PCSK6: variants seen among roughly 807,000 people sequenced by gnomAD.
The protein encoded by PCSK6 is paired basic amino acid cleaving enzyme 4.
In PCSK6, 85 loss-of-function variants were observed where a neutral mutation model predicts 123.3. That is an observed-to-expected ratio of 0.69 (90% confidence interval 0.58 to 0.83). PCSK6 has a LOEUF of 0.83. Ranked by LOEUF, PCSK6 falls within the 40% of genes least tolerant of loss-of-function variation. The pLI is 0.00. For synonymous variants in PCSK6, 508 were observed against 516.0 expected (o/e 0.98, Z 0.21); for missense variants, 1,191 against 1,282.3 (o/e 0.93, Z 1.09).
At position 101,393,220 on chromosome 15, in the gene PCSK6, G is replaced by T; in HGVS notation, c.1201C>A (p.Arg401=). ...TTYSSGAFYE[R]KIVTTDLRQR... ...TTGCCAAGAGAACTTACGATTTTTC[G>T]CTCATAAAAGGCCCCACTGCTGTAG... The change falls in exon 8 of 22, where the codon CGA becomes AGA. Residue 401 remains arginine (R), a synonymous_variant. Coordinates refer to ENST00000611716, the MANE Select transcript of PCSK6 (RefSeq NM_002570.5). 2 of 1,612,468 alleles carry T rather than the reference G, an allele frequency of 1.2e-6. No individual in the cohort carries two copies. Among genetic ancestry groups the T allele is most frequent in the Non-Finnish European group, 1.7e-6 (2 of 1,179,244 alleles).
intron 11 of PCSK6, among the ~76,000 whole-genome samples, chr15:101,375,312 C>CT (rs1429816308): frequency 4.9e-5 from 6 of 122,334 alleles, no homozygotes; most frequent in Admixed American, 2.9e-4. Context: ...AAAATTTAAC[C>CT]TCAAAAAAAA....
At chr15:101,468,408 T>C (rs1476848775) in intron 1 of PCSK6, among the ~76,000 whole-genome samples, 3 of 152,248 alleles carry the variant, frequency 2.0e-5, no homozygotes, top group African/African-American at 4.8e-5. Context: ...AATACATTCC[T>C]AGCTACTGTT....
intron 12 of PCSK6, 135 bp downstream of exon 12, chr15:101,370,200 C>T: frequency 1.5e-6 from 1 of 648,762 alleles, no homozygotes; most frequent in Non-Finnish European, 2.3e-6. Context: ...AAGGAAGCTG[C>T]CAGCAGAACC....
intron 16 of PCSK6, among the ~76,000 whole-genome samples, chr15:101,325,839 G>A (rs79518705): frequency 0.025 from 3,815 of 152,334 alleles, 111 homozygotes; most frequent in East Asian, 0.12. Flanking sequence ...GGCCATATAC[G>A]TGGGGTCCCA....
intron 1 of PCSK6, among the ~76,000 whole-genome samples, chr15:101,484,882 AG>A (rs1185396232): frequency 1.3e-5 from 2 of 152,096 alleles, no homozygotes; most frequent in African/African-American, 2.4e-5. Context: ...ACTTCAGGGA[AG>A]GTGGGTTTTC....
intron 10 of PCSK6, among the ~76,000 whole-genome samples, chr15:101,382,849 T>TG (rs1037502987): frequency 9.9e-5 from 15 of 152,164 alleles, no homozygotes; most frequent in African/African-American, 3.4e-4. Context: ...AGAATTAAAA[T>TG]GTGGGTCAGC....
intron 1 of PCSK6, among the ~76,000 whole-genome samples, chr15:101,480,203 C>G (rs912063190): frequency 1.3e-5 from 2 of 152,202 alleles, no homozygotes; most frequent in Non-Finnish European, 2.9e-5. Context: ...ATTTTCCCAA[C>G]AAGGACTCTA....
At chr15:101,417,801 G>T (rs2055938630) in intron 6 of PCSK6, among the ~76,000 whole-genome samples, 1 of 151,178 alleles carries the variant, frequency 6.6e-6, no homozygotes. Context: ...AGAAAATAAA[G>T]GAACTCAATT....
At chr15:101,347,802 A>T (rs2040775484) in intron 13 of PCSK6, 3 of 1,592,618 alleles carry the variant, frequency 1.9e-6, no homozygotes, top group Non-Finnish European at 2.6e-6. Context: ...ACTGAAGTGA[A>T]GCCCATGGGC....
In PCSK6 at chr15:101,326,383, G is replaced by C; in HGVS notation, c.2174C>G (p.Thr725Ser). The C allele has an allele frequency of 6.4e-7, 1 of 1,570,418 alleles. No individual in the cohort carries two copies. The highest frequency in any genetic ancestry group is 8.6e-7 in the Non-Finnish European group (1 of 1,157,338). ...GCTGCGGGACATGCATTACCTGCTG[G>C]TCTTGACACTCCCCAGGCTGAAGTG... is the stretch of plus-strand genomic sequence containing the variant. The part of the protein sequence containing the change: ...CVHFSLGSVK[T>S]SRKCVSVCPL... The change falls in exon 16 of 22, where the codon ACC (threonine) becomes AGC (serine). Residue 725 changes from threonine (T) to serine (S), a missense_variant. This residue lies in a region of PCSK6 where 630 missense variants were observed against 631.4 expected (regional missense o/e 1.00). Coordinates refer to ENST00000611716, the MANE Select transcript of PCSK6 (RefSeq NM_002570.5).
intron 7 of PCSK6, among the ~76,000 whole-genome samples, chr15:101,394,684 T>C (rs1596283280): frequency 6.6e-6 from 1 of 152,224 alleles, no homozygotes; most frequent in Admixed American, 6.5e-5. Flanking sequence ...TAGAGCCAAA[T>C]TGAAGCCTGC....
chr15:101,308,607 ACT>A (rs2039777948), intron 20 of PCSK6: 1 of 151,912 alleles, frequency 6.6e-6, no homozygotes, highest in Non-Finnish European at 1.5e-5. Flanking sequence ...CCACAGGCAA[ACT>A]CACACCCACG....
rs10525638 is a variant in PCSK6, at chr15:101,392,593, C to CTTTTTTTT, written c.1209+611_1209+618dup. Among the ~76,000 whole-genome samples, 265 of 122,326 alleles carry CTTTTTTTT rather than the reference C, an allele frequency of 2.2e-3. 17 individuals are homozygous for CTTTTTTTT. The highest frequency in any genetic ancestry group is 6.1e-3 in the African/African-American group (185 of 30,416). 80.3% of individuals were successfully genotyped at this position (122,326 alleles called of 152,430 possible). On this transcript the variant is annotated intron_variant, in intron 8 of 21. Coordinates refer to ENST00000611716, the MANE Select transcript of PCSK6 (RefSeq NM_002570.5). Reference sequence around the variant, plus strand: ...TTTGAACTGGAAACCCTCCCTTCCTCTTTTTTTTTTTTTTTTTAAGTAGGA... The same window carrying CTTTTTTTT: ...TTTGAACTGGAAACCCTCCCTTCCTCTTTTTTTTTTTTTTTTTTTTTTTTTAAGTAGGA...
intron 18 of PCSK6, among the ~76,000 whole-genome samples, chr15:101,322,253 G>A (rs1271015502): frequency 2.0e-5 from 3 of 152,180 alleles, no homozygotes; most frequent in African/African-American, 7.2e-5. Context: ...AGGCGGATCT[G>A]GGCACAGCCC....
At chr15:101,379,361 G>C (rs967548220) in intron 11 of PCSK6, among the ~76,000 whole-genome samples, 1 of 152,188 alleles carries the variant, frequency 6.6e-6, no homozygotes, top group African/African-American at 2.4e-5. Flanking sequence ...TGACAGGTGT[G>C]GACACATGCC....
intron 20 of PCSK6, among the ~76,000 whole-genome samples, chr15:101,309,956 A>G (rs892919695): frequency 2.6e-5 from 4 of 152,122 alleles, no homozygotes; most frequent in Non-Finnish European, 5.9e-5. Context: ...GCAGTTGCCA[A>G]CCCAGCAGGC....
At chr15:101,450,780 C>G (rs953945458) in intron 1 of PCSK6, among the ~76,000 whole-genome samples, 1 of 152,088 alleles carries the variant, frequency 6.6e-6, no homozygotes, top group Non-Finnish European at 1.5e-5. Flanking sequence ...CAGTCCCCGT[C>G]CCAGGACAGC....
At chr15:101,358,671 G>A (rs2041119614) in intron 13 of PCSK6, among the ~76,000 whole-genome samples, 1 of 152,214 alleles carries the variant, frequency 6.6e-6, no homozygotes, top group African/African-American at 2.4e-5. Flanking sequence ...GCCGGAAGAG[G>A]TACCATTCAT....
intron 1 of PCSK6, among the ~76,000 whole-genome samples, chr15:101,454,400 G>A (rs1045311513): frequency 6.6e-6 from 1 of 152,144 alleles, no homozygotes; most frequent in Non-Finnish European, 1.5e-5. Flanking sequence ...TGAGTGGATC[G>A]ACAAAACCTG....
Sources: allele counts gnomAD v4.1 joint callset (sites outside exome capture counted in the v4.1 genomes callset), GRCh38; gene constraint gnomAD v4.1.1; regional missense constraint gnomAD v4.1.1; transcripts MANE v1.5; gene names NCBI Gene and HGNC (gene_info 2026-07-23, HGNC 2026-07-21).